RPGRIP1: variants seen among roughly 807,000 people sequenced by gnomAD.
RPGRIP1 encodes X-linked retinitis pigmentosa GTPase regulator-interacting protein 1.
Under a neutral mutation model 157.9 loss-of-function variants are expected in RPGRIP1, and 128 were observed. The ratio of observed to expected loss-of-function variants is 0.81; its 90% CI spans 0.70 to 0.94. The LOEUF (loss-of-function observed/expected upper bound fraction) is 0.94, where lower values mean the gene tolerates loss of function less well. Ranked by LOEUF, RPGRIP1 falls within the 40% of genes least tolerant of loss-of-function variation. The pLI is 0.00. For synonymous variants in RPGRIP1, 554 were observed against 571.6 expected (o/e 0.97, Z 0.44); for missense variants, 1,486 against 1,545.8 (o/e 0.96, Z 0.65).
rs558507755 is a variant in RPGRIP1, at chr14:21,315,679, A to G, written c.1152-2017A>G. On this transcript the variant is annotated intron_variant, in intron 10 of 24. Transcript: ENST00000400017. ...CGATAGACATTACTCTGTGATAGAC[A>G]TTACTATTTGCCTCTCCCCTTCATC... Among the ~76,000 whole-genome samples the G allele has an allele frequency of 2.6e-5, 4 of 152,180 alleles. No homozygotes were observed. The South Asian group carries it at 8.3e-4, about 32-fold the overall frequency.
chr14:21,348,560 A>G (rs1050841276), intron 24 of RPGRIP1, among the ~76,000 whole-genome samples: 1 of 152,192 alleles, frequency 6.6e-6, no homozygotes, highest in South Asian at 2.1e-4. Context: ...TTAAAAAGAC[A>G]AGTTATTTTC....
chr14:21,290,866 G>C (rs1011441190), intron 2 of RPGRIP1, among the ~76,000 whole-genome samples: 2 of 150,534 alleles, frequency 1.3e-5, no homozygotes, highest in African/African-American at 4.9e-5. Context: ...GCTGGGCCAG[G>C]TGGTGCACAC....
intron 1 of RPGRIP1, among the ~76,000 whole-genome samples, chr14:21,282,383 C>T (rs953524892): frequency 4.0e-5 from 6 of 151,544 alleles, no homozygotes; most frequent in African/African-American, 9.7e-5. Flanking sequence ...ACTACAGGCA[C>T]GCACCACCAT....
chr14:21,349,735 G>A (rs998861544), intron 24 of RPGRIP1, among the ~76,000 whole-genome samples: 1 of 152,060 alleles, frequency 6.6e-6, no homozygotes, highest in Non-Finnish European at 1.5e-5. Flanking sequence ...TCCTGCCACC[G>A]GTTTCTTCTA....
chr14:21,334,631 G>A lies in RPGRIP1; in HGVS notation c.3265G>A (p.Glu1089Lys). The A allele has an allele frequency of 6.2e-7, 1 of 1,608,792 alleles. No individual in the cohort carries two copies. Among genetic ancestry groups the A allele is most frequent in the Non-Finnish European group, 8.5e-7 (1 of 1,177,980 alleles). ...CAAAGAATCCTCTGAACAAGGTTCT[G>A]AAGTCAGTGAAGCACAAACTACCGA... ...NDKESSEQGS[E>K]VSEAQTTDSD... is the part of the protein sequence containing the mutation. The change falls in exon 21 of 25, where the codon GAA becomes AAA. Residue 1089 changes from glutamate to lysine, a missense_variant. Transcript: ENST00000400017.
At chr14:21,335,046 C>CAAAAAAAA (rs869065591) in intron 21 of RPGRIP1, among the ~76,000 whole-genome samples, 54 of 27,998 alleles carry the variant, frequency 1.9e-3, no homozygotes, top group Non-Finnish European at 2.5e-3. Flanking sequence ...AACTCTGTCT[C>CAAAAAAAA]AAAAAAAAAA....
chr14:21,295,980 A>G (rs140646320), intron 3 of RPGRIP1, among the ~76,000 whole-genome samples: 2,331 of 150,482 alleles, frequency 0.015, 67 homozygotes, highest in African/African-American at 0.053. Context: ...CCGTTGCCCA[A>G]GCTGGAGTGC....
At chr14:21,350,235 C>T (rs934858204) in intron 24 of RPGRIP1, among the ~76,000 whole-genome samples, 4 of 151,914 alleles carry the variant, frequency 2.6e-5, no homozygotes, top group Non-Finnish European at 4.4e-5. Context: ...AAAAATTAGC[C>T]AGGCATGGCG....
chr14:21,324,659 TTA>T lies in RPGRIP1; in HGVS notation c.1806_1807del (p.Cys603PhefsTer10). The T allele has an allele frequency of 6.2e-7, 1 of 1,613,998 alleles. No individual in the cohort carries two copies. Among genetic ancestry groups the T allele is most frequent in the Non-Finnish European group, 8.5e-7 (1 of 1,179,896 alleles). The part of the protein sequence containing the change: ...DVAYGTRPLS[L>X]CLETLPAHGD... ...TGCTTATGGCACCCGACCGTTGTCGTTATGTTTGGAAACACTGCCAGCCCATG... is the reference window on the plus strand; with the variant it reads ...TGCTTATGGCACCCGACCGTTGTCGTTGTTTGGAAACACTGCCAGCCCATG... On this transcript the variant is annotated frameshift_variant, in exon 15 of 25. Coordinates refer to ENST00000400017, the MANE Select transcript of RPGRIP1 (RefSeq NM_020366.4). LOFTEE classifies it high-confidence loss of function.
intron 11 of RPGRIP1, among the ~76,000 whole-genome samples, chr14:21,319,075 C>T (rs936673619): frequency 1.3e-5 from 2 of 151,878 alleles, no homozygotes; most frequent in Admixed American, 6.6e-5. Context: ...AAATAGGGAA[C>T]GGAAGGAAAA....
chr14:21,301,576 T>C (rs1351757580), intron 4 of RPGRIP1, among the ~76,000 whole-genome samples: 2 of 151,562 alleles, frequency 1.3e-5, no homozygotes, highest in African/African-American at 4.8e-5. Flanking sequence ...ATTCGAGAGA[T>C]TGAGGCAGGA....
At chr14:21,288,720 G>T (rs1314760244) in intron 2 of RPGRIP1, among the ~76,000 whole-genome samples, 1 of 151,546 alleles carries the variant, frequency 6.6e-6, no homozygotes, top group Admixed American at 6.6e-5. Flanking sequence ...CACCATGTTG[G>T]CCAGGCTGAT....
chr14:21,318,150 A>T (rs1228695985), intron 11 of RPGRIP1: 1 of 525,686 alleles, frequency 1.9e-6, no homozygotes, highest in East Asian at 4.8e-5. Context: ...CTTGTTGCTC[A>T]GGCTCGAGTG....
chr14:21,285,751 C>T (rs888822534), intron 1 of RPGRIP1, among the ~76,000 whole-genome samples: 5 of 151,840 alleles, frequency 3.3e-5, no homozygotes, highest in Non-Finnish European at 7.4e-5. Flanking sequence ...TTGGGCTTTA[C>T]AGGCCCTGGA....
rs917609289 is a variant in RPGRIP1, at chr14:21,311,832, A to T, written c.939A>T (p.Gly313=). The T allele has an allele frequency of 5.6e-6, 9 of 1,600,282 alleles. No homozygotes were observed. The highest frequency in any genetic ancestry group is 1.8e-5 in the Admixed American group (1 of 55,934). The change falls in exon 9 of 25, where the codon GGA becomes GGT. Residue 313 remains glycine (G), a synonymous_variant. Transcript: ENST00000400017. ...AYETLLQKNQ[G]ILSAAHEALL... ...CTTTCCTTTTGACCCAGAATCAGGG[A>T]ATCCTGAGTGCAGCCCATGAGGCCC...
intron 1 of RPGRIP1, among the ~76,000 whole-genome samples, chr14:21,280,980 T>C (rs1280758431): frequency 6.6e-6 from 1 of 151,976 alleles, no homozygotes; most frequent in African/African-American, 2.4e-5. Context: ...TGCTTTGAAA[T>C]ATATATATAG....
At position 21,300,705 on chromosome 14, in the gene RPGRIP1, C is replaced by CATTTTT. The variant is rs1378187329; in HGVS notation, c.219-261_219-260insATTTTT. On this transcript the variant is annotated intron_variant, in intron 3 of 24. Transcript: ENST00000400017. ...AAATACTATTGGGGTAGTGGCTCAA[C>CATTTTT]TTTTTTTTTTTTTTTTTTTTTTTTT... Among the ~76,000 whole-genome samples, 12 of 73,502 alleles carry CATTTTT rather than the reference C, an allele frequency of 1.6e-4. 1 individual carries two copies. Among genetic ancestry groups the CATTTTT allele is most frequent in the African/African-American group, 5.5e-4 (10 of 18,214 alleles). 48.2% of individuals were successfully genotyped at this position (73,502 alleles called of 152,430 possible).
intron 22 of RPGRIP1, among the ~76,000 whole-genome samples, chr14:21,344,688 G>A (rs1414808354): frequency 6.6e-6 from 1 of 152,170 alleles, no homozygotes; most frequent in Non-Finnish European, 1.5e-5. Context: ...GCTCATGCCT[G>A]TAATCCCAGC....
intron 4 of RPGRIP1, among the ~76,000 whole-genome samples, chr14:21,301,715 AT>A (rs1361196600): frequency 9.3e-4 from 109 of 117,140 alleles, no homozygotes; most frequent in Non-Finnish European, 1.9e-4. Flanking sequence ...AATAATAATA[AT>A]AATAATAAAA....
Sources: allele counts gnomAD v4.1 joint callset (sites outside exome capture counted in the v4.1 genomes callset), GRCh38; gene constraint gnomAD v4.1.1; transcripts MANE v1.5; gene names NCBI Gene and HGNC (gene_info 2026-07-23, HGNC 2026-07-21).